The following ATP2C2 variants were observed in gnomAD, a reference collection of about 807,000 sequenced individuals.
ATP2C2 encodes ATPase secretory pathway Ca2+ transporting 2, also known as calcium-transporting ATPase type 2C member 2.
A neutral mutation model predicts 110.8 loss-of-function variants in ATP2C2; 171 were observed. The observed-to-expected ratio is 1.54, with a 90% CI of 1.36 to 1.75. The LOEUF is 1.75. ATP2C2 is among the 40% of genes most tolerant of loss of function. The pLI, the probability that ATP2C2 is intolerant of heterozygous loss-of-function variation, is 0.00. For synonymous variants in ATP2C2, 804 were observed against 508.4 expected, an observed-to-expected ratio of 1.58 and a Z score of -7.82; for missense variants, 1,963 against 1,235.0, an observed-to-expected ratio of 1.59 and a Z score of -8.84.
At chr16:84,459,433 G>C in intron 23 of ATP2C2, 47 bp downstream of exon 23, 4 of 1,604,802 alleles carry the variant, frequency 2.5e-6, no homozygotes, top group Non-Finnish European at 3.4e-6. Context: ...ACCCACCTGC[G>C]GGGCTTCCTC....
At chr16:84,381,581 A>T (rs955540826) in intron 1 of ATP2C2, among the ~76,000 whole-genome samples, 1 of 152,088 alleles carries the variant, frequency 6.6e-6, no homozygotes, top group Non-Finnish European at 1.5e-5. Context: ...TGTCCTGAAA[A>T]AAAGAAAAAA....
intron 1 of ATP2C2, among the ~76,000 whole-genome samples, chr16:84,373,858 T>C (rs1910104471): frequency 6.6e-6 from 1 of 152,252 alleles, no homozygotes; most frequent in African/African-American, 2.4e-5. Flanking sequence ...GAACTTTTGA[T>C]TTTGAAAATA....
At position 84,453,145 on chromosome 16, in the gene ATP2C2, C is replaced by T. The variant is rs1456525083; in HGVS notation, c.1839C>T (p.Asn613=). 15 of 1,611,166 alleles carry T rather than the reference C, an allele frequency of 9.3e-6. No individual in the cohort carries two copies. The East Asian group carries it at 3.3e-4, about 36-fold the overall frequency. The change falls in exon 19 of 27, where the codon AAC becomes AAT. Residue 613 remains asparagine (N), a synonymous_variant. Coordinates refer to ENST00000262429, the MANE Select transcript of ATP2C2 (RefSeq NM_014861.4). The part of the protein sequence containing the change: ...ALETALAIGR[N]IGLCNGKLQA... Reference sequence around the variant, plus strand: ...GAACAGGTTCTTCTGAAGGAAGAAACATCGGCCTGTGCAACGGGAAGCTGC... The same window carrying T: ...GAACAGGTTCTTCTGAAGGAAGAAATATCGGCCTGTGCAACGGGAAGCTGC...
intron 14 of ATP2C2, 85 bp from the exon 15 acceptor site, chr16:84,442,425 G>A (rs1286588337): frequency 3.1e-6 from 4 of 1,293,536 alleles, no homozygotes; most frequent in East Asian, 2.4e-5. Context: ...CACAACCCCA[G>A]CTGTAAAAAT....
chr16:84,381,919 C>T (rs1238625711), intron 1 of ATP2C2, among the ~76,000 whole-genome samples: 1 of 152,150 alleles, frequency 6.6e-6, no homozygotes, highest in Non-Finnish European at 1.5e-5. Context: ...GGAATTGGGC[C>T]CAGGGCGGCC....
At chr16:84,426,707 C>T (rs577687984) in intron 11 of ATP2C2, among the ~76,000 whole-genome samples, 1 of 152,170 alleles carries the variant, frequency 6.6e-6, no homozygotes, top group African/African-American at 2.4e-5. Context: ...AGTGTTGGCT[C>T]TTAATACTGG....
At chr16:84,460,583 C>T in intron 23 of ATP2C2, 71 bp from the exon 24 acceptor site, 3 of 1,607,290 alleles carry the variant, frequency 1.9e-6, no homozygotes, top group Non-Finnish European at 8.5e-7. Flanking sequence ...GAGGCTCAGG[C>T]ACAGCTGTTT....
intron 6 of ATP2C2, among the ~76,000 whole-genome samples, chr16:84,414,963 C>T (rs371759785): frequency 1.6e-4 from 25 of 152,072 alleles, no homozygotes; most frequent in Middle Eastern, 6.8e-3. Flanking sequence ...TCAGCTGGGA[C>T]GGGCAAGCGG....
chr16:84,442,152 C>T (rs1909320355), intron 14 of ATP2C2, among the ~76,000 whole-genome samples: 1 of 152,062 alleles, frequency 6.6e-6, no homozygotes, highest in Non-Finnish European at 1.5e-5. Context: ...GTGCACAATT[C>T]AGTGGTTTCA....
rs533593924 is a variant in ATP2C2 at position 84,406,502 on chromosome 16, T to C, written c.327+1258T>C. 1.8e-3 allele frequency: 1,391 copies of C among 785,360 alleles called. 4 individuals carry two copies. The highest frequency in any genetic ancestry group is 1.9e-3 in the Non-Finnish European group (1,211 of 647,850). The allele number at this position is 785,360 out of a possible 1,614,324, so 48.6% of individuals were successfully genotyped here. On this transcript the variant is annotated intron_variant, in intron 3 of 26. Coordinates refer to ENST00000262429, the MANE Select transcript of ATP2C2 (RefSeq NM_014861.4). The stretch of plus-strand genomic sequence containing the variant: ...GGCTCTGTGTTTACAGCTTCCTCCA[T>C]TGGTCGATTCCGGAACCAATCACAG...
At position 84,448,663 on chromosome 16, in the gene ATP2C2, A is replaced by G. The variant is rs926742835; in HGVS notation, c.1634A>G (p.Lys545Arg). 6.2e-7 allele frequency: 1 copy of G among 1,613,746 alleles called. No homozygotes were observed. Among genetic ancestry groups the G allele is most frequent in the Non-Finnish European group, 8.5e-7 (1 of 1,179,888 alleles). The change falls in exon 17 of 27, where the codon AAG becomes AGG. Residue 545 changes from lysine to arginine, a missense_variant. Lys to Arg is a conservative substitution (Grantham distance 26). Coordinates refer to ENST00000262429, the MANE Select transcript of ATP2C2 (RefSeq NM_014861.4). ...QQRSFCLQEE[K>R]RMGSLGLRVL... Reference sequence around the variant, plus strand: ...AGGTCATTCTGCCTGCAGGAAGAGAAGAGGATGGGGTCGCTCGGTTTGCGG... The same window carrying G: ...AGGTCATTCTGCCTGCAGGAAGAGAGGAGGATGGGGTCGCTCGGTTTGCGG...
In ATP2C2 at chr16:84,368,639, G is replaced by C; in HGVS notation, c.24G>C (p.Glu8Asp). The C allele has an allele frequency of 6.4e-7, 1 of 1,565,416 alleles. No homozygotes were observed. Among genetic ancestry groups the C allele is most frequent in the Non-Finnish European group, 8.6e-7 (1 of 1,156,466 alleles). Residue 8 changes from glutamate to aspartate, a missense_variant, in exon 1 of 27, where the codon GAG becomes GAC. By Grantham distance (45) the Glu-to-Asp change is conservative. Coordinates refer to ENST00000262429, the MANE Select transcript of ATP2C2 (RefSeq NM_014861.4). MVEGRVS[E>D]FLKKLGFSGG... Reference sequence around the variant, plus strand: ...CCATGGTCGAGGGACGCGTCTCCGAGTTCCTGAAGAAACTCGGCTTCTCGG... The same window carrying C: ...CCATGGTCGAGGGACGCGTCTCCGACTTCCTGAAGAAACTCGGCTTCTCGG...
In ATP2C2 at chr16:84,422,619, C is replaced by T; in HGVS notation, c.775-10C>T. The T allele has an allele frequency of 1.9e-6, 3 of 1,612,434 alleles. No homozygotes were observed. Among genetic ancestry groups the T allele is most frequent in the East Asian group, 2.2e-5 (1 of 44,864 alleles). The stretch of plus-strand genomic sequence containing the variant: ...CTTAGATTTCATACTTCTCTCTCTC[C>T]TGGACACAGGGGGTCGTGATTGGAA... On this transcript the variant is annotated splice_polypyrimidine_tract_variant and intron_variant, in intron 8 of 26. Transcript: ENST00000262429.
In ATP2C2 at chr16:84,422,457, G is replaced by GC; in HGVS notation, c.696dup (p.Thr234AspfsTer42). The GC allele has an allele frequency of 6.2e-7, 1 of 1,614,104 alleles. No homozygotes were observed. The highest frequency in any genetic ancestry group is 1.1e-5 in the South Asian group (1 of 91,062). On this transcript the variant is annotated frameshift_variant, in exon 8 of 27. Coordinates refer to ENST00000262429, the MANE Select transcript of ATP2C2 (RefSeq NM_014861.4). LOFTEE classifies it high-confidence loss of function. Reference sequence around the variant, plus strand: ...GCCGAGCCATGTAGTAAAACAGACAGCCCCTTGACAGGCGGTGGGGACCTC... The same window carrying GC: ...GCCGAGCCATGTAGTAAAACAGACAGCCCCCTTGACAGGCGGTGGGGACCTC...
At chr16:84,462,353 A>G (rs1911464594) in intron 26 of ATP2C2, 2 of 563,668 alleles carry the variant, frequency 3.5e-6, no homozygotes, top group African/African-American at 3.7e-5. Context: ...GTCACTCAAG[A>G]GTAGTAGGGT....
chr16:84,459,593 G>A, intron 23 of ATP2C2: 1 of 1,535,802 alleles, frequency 6.5e-7, no homozygotes, highest in South Asian at 1.2e-5. Context: ...GCAGAGCTGG[G>A]TGAGGATGGA....
At chr16:84,394,227 C>G (rs893935163) in intron 1 of ATP2C2, among the ~76,000 whole-genome samples, 4 of 151,990 alleles carry the variant, frequency 2.6e-5, no homozygotes, top group Admixed American at 1.3e-4. Context: ...GTGAAATTCA[C>G]ATAACAAAAT....
intron 6 of ATP2C2, among the ~76,000 whole-genome samples, chr16:84,412,356 G>GTGCGTGTGCA (rs1597789204): frequency 1.3e-5 from 2 of 149,176 alleles, no homozygotes; most frequent in East Asian, 3.9e-4. Context: ...GTCTGCGTGC[G>GTGCGTGTGCA]TGTGTGCATG....
intron 1 of ATP2C2, among the ~76,000 whole-genome samples, chr16:84,377,796 T>C (rs530141056): frequency 3.5e-4 from 54 of 152,154 alleles, no homozygotes; most frequent in African/African-American, 1.3e-3. Flanking sequence ...GAAAGGTATT[T>C]TTTTCTTTGA....
Sources: gnomAD v4.1 joint callset for allele counts (sites outside exome capture counted in the v4.1 genomes callset) on GRCh38, gnomAD v4.1.1 for gene constraint, MANE v1.5 for transcripts, NCBI Gene and HGNC (gene_info 2026-07-23, HGNC 2026-07-21) for gene names.